Variants in SLC9A9 observed in about 807,000 individuals in gnomAD.
The protein encoded by SLC9A9 is sodium/hydrogen exchanger 9.
SLC9A9 carries 62 observed loss-of-function variants against 77.8 expected under a neutral mutation model. The ratio of observed to expected loss-of-function variants is 0.80; its 90% CI spans 0.65 to 0.98. The LOEUF is 0.98. SLC9A9 is among the 50% of genes least tolerant of loss of function. The pLI, the probability that SLC9A9 is intolerant of heterozygous loss-of-function variation, is 0.00. For missense variants in SLC9A9, 775 were observed against 774.9 expected, an observed-to-expected ratio of 1.00 and a Z score of 0.00; for synonymous variants, 320 against 283.5, an observed-to-expected ratio of 1.13 and a Z score of -1.29.
In SLC9A9 at chr3:143,734,188, C is replaced by A. The variant is rs188513255; in HGVS notation, c.534-40881G>T. On this transcript the variant is annotated intron_variant, in intron 4 of 15. Coordinates refer to ENST00000316549, the MANE Select transcript of SLC9A9 (RefSeq NM_173653.4). ...CTCCAGCCTGGGCAACAGAGTGAGA[C>A]CTGTCTGTAAAGAAAATAATAATAA... 1.7e-4 allele frequency among the ~76,000 whole-genome samples: 26 copies of A among 151,202 alleles called. 1 individual carries two copies. The highest frequency in any genetic ancestry group is 1.3e-3 in the Admixed American group (19 of 15,178).
chr3:143,790,842 T>C (rs868312082), intron 4 of SLC9A9, among the ~76,000 whole-genome samples: 4 of 152,232 alleles, frequency 2.6e-5, no homozygotes, highest in African/African-American at 9.6e-5. Flanking sequence ...AATGTCCCTT[T>C]CTTTAAATAT....
At chr3:143,403,714 T>A (rs911262692) in intron 12 of SLC9A9, among the ~76,000 whole-genome samples, 1 of 152,340 alleles carries the variant, frequency 6.6e-6, no homozygotes, top group South Asian at 2.1e-4. Context: ...ATTATTGGAG[T>A]TCTCTTGTGT....
chr3:143,805,734 C>T (rs915401599), intron 2 of SLC9A9, among the ~76,000 whole-genome samples: 14 of 152,132 alleles, frequency 9.2e-5, no homozygotes, highest in African/African-American at 3.1e-4. Flanking sequence ...GTACCCCGCT[C>T]CTGCCTGCCA....
At chr3:143,650,489 A>G (rs1416541892) in intron 6 of SLC9A9, among the ~76,000 whole-genome samples, 1 of 152,242 alleles carries the variant, frequency 6.6e-6, no homozygotes, top group East Asian at 1.9e-4. Context: ...AGCAGACAGC[A>G]CTGGTAGACA....
chr3:143,639,703 T>C (rs939645134), intron 6 of SLC9A9, among the ~76,000 whole-genome samples: 2 of 152,176 alleles, frequency 1.3e-5, no homozygotes, highest in African/African-American at 4.8e-5. Flanking sequence ...CAAAGACCCA[T>C]TGGATAAACA....
intron 5 of SLC9A9, among the ~76,000 whole-genome samples, chr3:143,658,430 T>C (rs773554498): frequency 5.3e-5 from 8 of 152,234 alleles, no homozygotes; most frequent in Admixed American, 3.3e-4. Flanking sequence ...GATCTTAGTA[T>C]CTTTTGCCAT....
intron 9 of SLC9A9, among the ~76,000 whole-genome samples, chr3:143,509,921 G>A (rs114105977): frequency 0.012 from 1,839 of 152,216 alleles, 48 homozygotes; most frequent in African/African-American, 0.042. Flanking sequence ...AAATGCTGAC[G>A]CTTAGTAAGT....
intron 2 of SLC9A9, among the ~76,000 whole-genome samples, chr3:143,829,402 G>T (rs1276858517): frequency 6.6e-6 from 1 of 152,032 alleles, no homozygotes; most frequent in African/African-American, 2.4e-5. Context: ...CTCACTTACT[G>T]CAGTCTCACC....
chr3:143,340,892 A>G (rs762976335), intron 14 of SLC9A9, among the ~76,000 whole-genome samples: 1 of 152,140 alleles, frequency 6.6e-6, no homozygotes, highest in Non-Finnish European at 1.5e-5. Context: ...ATCTATTGAA[A>G]TTTGCTAGTC....
chr3:143,661,633 G>C (rs1045360390), intron 5 of SLC9A9, among the ~76,000 whole-genome samples: 1 of 152,094 alleles, frequency 6.6e-6, no homozygotes, highest in Non-Finnish European at 1.5e-5. Context: ...TTCTCACTCT[G>C]TAAACTTGAC....
chr3:143,748,793 TC>T (rs1560061837), intron 4 of SLC9A9, among the ~76,000 whole-genome samples: 1 of 150,782 alleles, frequency 6.6e-6, no homozygotes, highest in African/African-American at 2.4e-5. Flanking sequence ...AAGCTCCGCT[TC>T]CTGGGTTCAC....
At chr3:143,710,663 T>G (rs1934118645) in intron 4 of SLC9A9, among the ~76,000 whole-genome samples, 1 of 152,226 alleles carries the variant, frequency 6.6e-6, no homozygotes, top group Admixed American at 6.5e-5. Flanking sequence ...GAACAAAGGC[T>G]GGAATGTTAG....
At chr3:143,532,335 A>T (rs1576558173) in intron 9 of SLC9A9, among the ~76,000 whole-genome samples, 1 of 152,250 alleles carries the variant, frequency 6.6e-6, no homozygotes, top group East Asian at 1.9e-4. Flanking sequence ...TGGCTCCAGC[A>T]CACTACTGGA....
chr3:143,534,964 AT>A (rs965847979), intron 9 of SLC9A9, among the ~76,000 whole-genome samples: 2 of 151,998 alleles, frequency 1.3e-5, no homozygotes, highest in Non-Finnish European at 1.5e-5. Context: ...AAAATCAAGC[AT>A]TTTTTTCTCC....
intron 2 of SLC9A9, among the ~76,000 whole-genome samples, chr3:143,815,781 G>A (rs9825095): frequency 0.61 from 92,645 of 151,838 alleles, 29,726 homozygotes; most frequent in East Asian, 0.72. Context: ...CAGGAGAATC[G>A]CTTGAACCTG....
intron 12 of SLC9A9, among the ~76,000 whole-genome samples, chr3:143,424,468 G>A (rs939364141): frequency 6.6e-5 from 10 of 151,818 alleles, no homozygotes; most frequent in Non-Finnish European, 1.2e-4. Flanking sequence ...TAGTAGAGAC[G>A]GGGTTTCACT....
rs539823872 is a variant in SLC9A9 at position 143,556,728 on chromosome 3, C to T, written c.1001-4278G>A. 3.9e-4 allele frequency among the ~76,000 whole-genome samples: 59 copies of T among 152,358 alleles called. No homozygotes were observed. In the South Asian group the frequency reaches 3.9e-3, roughly 10 times the overall value. On this transcript the variant is annotated intron_variant, in intron 8 of 15. Transcript: ENST00000316549. The stretch of plus-strand genomic sequence containing the variant: ...TCTACCCAATTTCCTGAATTAAACT[C>T]TGTCAATAGCCAGATCGTTTTCTTT...
intron 12 of SLC9A9, among the ~76,000 whole-genome samples, chr3:143,417,748 G>C (rs762304596): frequency 2.0e-5 from 3 of 152,076 alleles, no homozygotes; most frequent in African/African-American, 7.2e-5. Context: ...TAAGTAATAA[G>C]TGTCTGTTGT....
chr3:143,531,256 A>G (rs572291449), intron 9 of SLC9A9, among the ~76,000 whole-genome samples: 1 of 152,190 alleles, frequency 6.6e-6, no homozygotes, highest in Non-Finnish European at 1.5e-5. Context: ...TGAGATTTCA[A>G]ATGCTCCCCT....
Sources: gnomAD v4.1 joint callset for allele counts (sites outside exome capture counted in the v4.1 genomes callset) on GRCh38, gnomAD v4.1.1 for gene constraint, MANE v1.5 for transcripts, NCBI Gene and HGNC (gene_info 2026-07-23, HGNC 2026-07-21) for gene names.